COL18A1: variants seen among roughly 807,000 people sequenced by gnomAD.
COL18A1 encodes collagen type XVIII alpha 1 chain, also known as collagen alpha-1(XVIII) chain.
Under a neutral mutation model 168.0 loss-of-function variants are expected in COL18A1, and 133 were observed. The ratio of observed to expected loss-of-function variants is 0.79; its 90% confidence interval spans 0.69 to 0.91. COL18A1 has a LOEUF of 0.91. Ranked by LOEUF, COL18A1 falls within the 40% of genes least tolerant of loss-of-function variation. COL18A1 has a pLI of 0.00. For missense variants in COL18A1, 2,126 were observed against 1,925.4 expected (o/e 1.10, Z -1.95); for synonymous variants, 949 against 809.0 (o/e 1.17, Z -2.94).
chr21:45,443,103 G>A lies in COL18A1; in HGVS notation c.107-25139G>A, dbSNP rs369581305. On this transcript the variant is annotated intron_variant, in intron 2 of 41. Coordinates refer to ENST00000651438, the MANE Select transcript of COL18A1 (RefSeq NM_001379500.1). This position sits in a 1 kb window ranked among gnomAD's most constrained non-coding sequence, Gnocchi z 5.2. ...TGGTGGTGGTGCTGATGTGGGCGGCGGTGCTGGTGTGGGCGGCGGTGCTGG... is the reference window on the plus strand; with the variant it reads ...TGGTGGTGGTGCTGATGTGGGCGGCAGTGCTGGTGTGGGCGGCGGTGCTGG... 3.8e-4 allele frequency among the ~76,000 whole-genome samples: 28 copies of A among 74,462 alleles called. 1 individual carries two copies. Among genetic ancestry groups the A allele is most frequent in the African/African-American group, 1.1e-3 (26 of 22,874 alleles). 48.8% of individuals were successfully genotyped at this position (74,462 alleles called of 152,430 possible).
intron 2 of COL18A1, among the ~76,000 whole-genome samples, chr21:45,451,454 C>T (rs1000956132): frequency 2.0e-5 from 3 of 152,312 alleles, no homozygotes; most frequent in Non-Finnish European, 2.9e-5. Flanking sequence ...CCTGGGGACA[C>T]AGCTGGGTGG....
chr21:45,481,842 C>T (rs1046692991), intron 13 of COL18A1, 121 bp from the exon 14 acceptor site: 27 of 761,860 alleles, frequency 3.5e-5, no homozygotes, highest in Non-Finnish European at 5.9e-5. Flanking sequence ...GGCCCTGTGT[C>T]TGGGGAACGT....
rs750465152 is a variant in COL18A1 at position 45,480,137 on chromosome 21, C to T, written c.1379C>T (p.Ser460Phe). 9.4e-6 allele frequency: 15 copies of T among 1,588,812 alleles called. No homozygotes were observed. In the African/African-American group the frequency reaches 1.7e-4, roughly 19 times the overall value. ...GGGCCTCCAGGGCCCCCAGGACCCT[C>T]CTTCAGACACGACAAGCTGGTAAGT... is the stretch of plus-strand genomic sequence containing the variant. The part of the protein sequence containing the change: ...PQGPPGPPGP[S>F]FRHDKLTFID... The change falls in exon 11 of 42, where the codon TCC (serine) becomes TTC (phenylalanine). Residue 460 changes from serine to phenylalanine, a missense_variant. Physicochemically the swap from Ser to Phe is radical, Grantham distance 155. Coordinates refer to ENST00000651438, the MANE Select transcript of COL18A1 (RefSeq NM_001379500.1).
intron 29 of COL18A1, 198 bp downstream of exon 29, chr21:45,495,630 A>G: frequency 3.4e-6 from 2 of 592,856 alleles, no homozygotes; most frequent in Non-Finnish European, 3.1e-6. Context: ...CCAAACATGC[A>G]TGCACATATA....
At chr21:45,461,282 T>C (rs936537688) in intron 2 of COL18A1, among the ~76,000 whole-genome samples, 3 of 152,154 alleles carry the variant, frequency 2.0e-5, no homozygotes, top group Non-Finnish European at 2.9e-5. Context: ...AGGGGGTTAA[T>C]TGCCACTAGA....
intron 2 of COL18A1, among the ~76,000 whole-genome samples, chr21:45,412,229 G>A (rs1231200554): frequency 1.5e-5 from 2 of 131,442 alleles, no homozygotes; most frequent in East Asian, 4.8e-4. Context: ...TTAACTGGGG[G>A]TATATTTCTT....
intron 2 of COL18A1, among the ~76,000 whole-genome samples, chr21:45,438,012 ACACACTCACT>A (rs1281360363): frequency 9.4e-6 from 1 of 106,248 alleles, no homozygotes; most frequent in Non-Finnish European, 1.9e-5. Flanking sequence ...TCCTGCACAC[ACACACTCACT>A]CACACACAGA....
intron 4 of COL18A1, 89 bp from the exon 5 acceptor site, chr21:45,475,387 G>A: frequency 8.3e-7 from 1 of 1,205,426 alleles, no homozygotes; most frequent in Non-Finnish European, 1.2e-6. Flanking sequence ...GAGGAGGCGA[G>A]AGCAGCGTCC....
At chr21:45,437,358 G>GCACA (rs1381934308) in intron 2 of COL18A1, among the ~76,000 whole-genome samples, 14 of 15,900 alleles carry the variant, frequency 8.8e-4, no homozygotes, top group African/African-American at 2.2e-3. Context: ...ACTCTCCTGC[G>GCACA]CACACACACA....
At chr21:45,405,557 A>AC (rs2033070173) in intron 2 of COL18A1, 84 bp downstream of exon 2, 2 of 842,784 alleles carry the variant, frequency 2.4e-6, no homozygotes, top group Admixed American at 9.6e-5. Flanking sequence ...CGGCTCCCTC[A>AC]CCCCCGCCCC....
chr21:45,437,544 C>T (rs2034184004), intron 2 of COL18A1, among the ~76,000 whole-genome samples: 1 of 64,718 alleles, frequency 1.5e-5, no homozygotes, highest in South Asian at 5.6e-4. Context: ...AGGCACTCTC[C>T]TGCACACACA....
intron 2 of COL18A1, among the ~76,000 whole-genome samples, chr21:45,431,285 C>T (rs567219042): frequency 1.2e-3 from 186 of 152,230 alleles, no homozygotes; most frequent in Non-Finnish European, 2.3e-3. Context: ...TGACCTCCAC[C>T]GAGCACCTGC....
chr21:45,506,620 T>G (rs1602626177), intron 37 of COL18A1: 1 of 173,950 alleles, frequency 5.7e-6, no homozygotes, highest in Non-Finnish European at 1.3e-5. Flanking sequence ...TGAGGACGGG[T>G]AGAAGCCCCA....
Position 45,409,644 on chromosome 21 carries a change from G to A in COL18A1, c.106+4171G>A, listed in dbSNP as rs373211014. ...TAGGCCAGGACCTGTCCAAGGCAGC[G>A]GAGTGCCAGGCAAGTGAAGCCCTGC... On this transcript the variant is annotated intron_variant, in intron 2 of 41. Transcript: ENST00000651438. 3.0e-3 allele frequency among the ~76,000 whole-genome samples: 462 copies of A among 152,342 alleles called. 2 individuals are homozygous for A. Among genetic ancestry groups the A allele is most frequent in the African/African-American group, 0.01 (432 of 41,590 alleles).
chr21:45,478,437 T>C, intron 9 of COL18A1, 84 bp downstream of exon 9: 1 of 1,586,358 alleles, frequency 6.3e-7, no homozygotes, highest in Non-Finnish European at 8.7e-7. Flanking sequence ...GACACTCTTT[T>C]TAAACGCGAC....
intron 2 of COL18A1, among the ~76,000 whole-genome samples, chr21:45,453,057 CAT>C (rs1363182829): frequency 6.7e-5 from 10 of 150,108 alleles, no homozygotes; most frequent in Non-Finnish European, 5.9e-5. Context: ...CATGTATGTA[CAT>C]GTGTGAGCTT....
At chr21:45,478,478 T>C (rs2035763585) in intron 9 of COL18A1, 125 bp downstream of exon 9, 2 of 1,275,822 alleles carry the variant, frequency 1.6e-6, no homozygotes, top group African/African-American at 2.9e-5. Context: ...CAAAACCATT[T>C]TGAAAGTGGA....
chr21:45,511,909 T>C (rs1176767298), intron 41 of COL18A1, among the ~76,000 whole-genome samples: 3 of 152,198 alleles, frequency 2.0e-5, no homozygotes, highest in Non-Finnish European at 2.9e-5. Context: ...TCAGCAGGCA[T>C]GAGGGCCAGG....
In COL18A1 at chr21:45,476,975, C is replaced by T. The variant is rs575270727; in HGVS notation, c.929-436C>T. 5.3e-5 allele frequency among the ~76,000 whole-genome samples: 8 copies of T among 151,478 alleles called. No homozygotes were observed. The South Asian group carries it at 1.0e-3, about 20-fold the overall frequency. ...TGGCAGGTGGGGAGATGCCGAGGCC[C>T]GGATGGTGGCTCTGGGTACAGGCTC... On this transcript the variant is annotated intron_variant, in intron 6 of 41. Coordinates refer to ENST00000651438, the MANE Select transcript of COL18A1 (RefSeq NM_001379500.1).
Sources: allele counts gnomAD v4.1 joint callset (sites outside exome capture counted in the v4.1 genomes callset), GRCh38; gene constraint gnomAD v4.1.1; non-coding constraint Gnocchi (gnomAD v3.1); transcripts MANE v1.5; gene names NCBI Gene and HGNC (gene_info 2026-07-23, HGNC 2026-07-21).